The following GSE1 variants were observed in gnomAD, a reference collection of about 807,000 sequenced individuals.
The protein encoded by GSE1 is Gse1 coiled-coil protein, also known as genetic suppressor element 1.
Under a neutral mutation model 112.6 loss-of-function variants are expected in GSE1, and 32 were observed. The observed-to-expected ratio is 0.28, with a 90% CI of 0.21 to 0.38. GSE1 has a LOEUF of 0.38. GSE1 is among the 10% of genes least tolerant of loss of function. GSE1 has a pLI of 1.00. For synonymous variants in GSE1, 1,115 were observed against 735.6 expected (o/e 1.52, Z -8.35); for missense variants, 2,348 against 1,699.2 (o/e 1.38, Z -6.71).
chr16:85,503,979 A>G (rs2051453556), intron 2 of GSE1, among the ~76,000 whole-genome samples: 1 of 152,208 alleles, frequency 6.6e-6, no homozygotes, highest in East Asian at 1.9e-4. Context: ...AGGGAGGGTC[A>G]GGTGTGGCGG....
rs1209108352 is a variant in GSE1, at chr16:85,626,740, CG to C, written c.8-7171del. ...CTGAGGTCTGGTGCCGGGGAAGAGC[CG>C]GGATGAAAGGAAGCAGTAATTACGG... On this transcript the variant is annotated intron_variant, in intron 1 of 15. Transcript: ENST00000253458. Among the ~76,000 whole-genome samples, 10 of 152,240 alleles carry C rather than the reference CG, an allele frequency of 6.6e-5. No homozygotes were observed. The South Asian group carries it at 2.1e-3, about 32-fold the overall frequency.
intron 1 of GSE1, chr16:85,593,795 A>G (rs2047097207): frequency 6.6e-6 from 1 of 152,190 alleles, no homozygotes; most frequent in East Asian, 1.9e-4. Flanking sequence ...TAGATAAATA[A>G]TTGGTTTGGC....
chr16:85,437,677 C>T (rs1053783780), intron 2 of GSE1, among the ~76,000 whole-genome samples: 1 of 152,172 alleles, frequency 6.6e-6, no homozygotes, highest in African/African-American at 2.4e-5. Flanking sequence ...CCTGCCCCAC[C>T]TGGACCTGTT....
intron 1 of GSE1, among the ~76,000 whole-genome samples, chr16:85,263,576 T>G (rs1055917019): frequency 2.0e-5 from 3 of 148,766 alleles, no homozygotes; most frequent in Non-Finnish European, 4.5e-5. Context: ...ACTTTTTCTT[T>G]CCTTTTTTTT....
intron 1 of GSE1, among the ~76,000 whole-genome samples, chr16:85,190,104 C>A (rs984492319): frequency 6.6e-6 from 1 of 152,174 alleles, no homozygotes; most frequent in African/African-American, 2.4e-5. Context: ...GGTCTAAGGG[C>A]ACACTTCCCA....
chr16:85,263,639 T>C (rs1907938225), intron 1 of GSE1, among the ~76,000 whole-genome samples: 1 of 151,876 alleles, frequency 6.6e-6, no homozygotes, highest in South Asian at 2.1e-4. Flanking sequence ...ATGGAGTGAT[T>C]TTGGCTCACT....
chr16:85,420,041 C>T (rs979014094), intron 2 of GSE1, among the ~76,000 whole-genome samples: 16 of 152,306 alleles, frequency 1.1e-4, no homozygotes, highest in African/African-American at 3.6e-4. Flanking sequence ...GAACAAGTCC[C>T]TGCCCTAAAG....
intron 2 of GSE1, chr16:85,490,280 G>A (rs996839349): frequency 6.6e-6 from 1 of 152,292 alleles, no homozygotes; most frequent in Non-Finnish European, 1.5e-5. Context: ...AGGTGCTCAT[G>A]TGGGCAGGTG....
At chr16:85,647,299 C>T (rs1183521121) in intron 2 of GSE1, among the ~76,000 whole-genome samples, 2 of 152,210 alleles carry the variant, frequency 1.3e-5, no homozygotes, top group Non-Finnish European at 2.9e-5. Flanking sequence ...ACCCATTCTC[C>T]CATCCCTGCT....
intron 1 of GSE1, among the ~76,000 whole-genome samples, chr16:85,632,752 G>A (rs2049645695): frequency 6.6e-6 from 1 of 152,136 alleles, no homozygotes; most frequent in South Asian, 2.1e-4. Context: ...TGTGACACCA[G>A]CCCCACCATG....
chr16:85,268,046 G>T (rs1398166012), intron 1 of GSE1, among the ~76,000 whole-genome samples: 1 of 152,172 alleles, frequency 6.6e-6, no homozygotes, highest in Non-Finnish European at 1.5e-5. Flanking sequence ...CCCAGAGGCT[G>T]CCAGGCTTTG....
intron 1 of GSE1, among the ~76,000 whole-genome samples, chr16:85,298,395 T>G (rs1262470740): frequency 6.6e-6 from 1 of 152,178 alleles, no homozygotes; most frequent in Non-Finnish European, 1.5e-5. Flanking sequence ...ACTGTTTGCA[T>G]AGCCCTGACA....
At chr16:85,203,629 A>C (rs2075067438) in intron 1 of GSE1, among the ~76,000 whole-genome samples, 1 of 152,166 alleles carries the variant, frequency 6.6e-6, no homozygotes, top group Non-Finnish European at 1.5e-5. Flanking sequence ...AAGCAGTGGG[A>C]TTTCCTTTGT....
intron 1 of GSE1, among the ~76,000 whole-genome samples, chr16:85,231,032 A>C (rs939552697): frequency 6.6e-6 from 1 of 150,560 alleles, no homozygotes; most frequent in African/African-American, 2.5e-5. Flanking sequence ...GGATGGACAG[A>C]AGGATAGATG....
chr16:85,387,868 T>C (rs2047721374), intron 2 of GSE1, among the ~76,000 whole-genome samples: 1 of 152,064 alleles, frequency 6.6e-6, no homozygotes, highest in Non-Finnish European at 1.5e-5. Flanking sequence ...GATTGGATGA[T>C]TGGTTGGATG....
At chr16:85,618,923 C>G (rs1169347557) in intron 1 of GSE1, among the ~76,000 whole-genome samples, 2 of 152,226 alleles carry the variant, frequency 1.3e-5, no homozygotes, top group Non-Finnish European at 2.9e-5. Flanking sequence ...CTCAGCCTCC[C>G]AAAGCACTGG....
upstream of GSE1, among the ~76,000 whole-genome samples, chr16:85,609,538 G>A (rs959918348): frequency 1.3e-4 from 20 of 152,186 alleles, no homozygotes; most frequent in African/African-American, 4.3e-4. Flanking sequence ...GGTTCAAGGC[G>A]TCCCTTTCTT....
intron 2 of GSE1, among the ~76,000 whole-genome samples, chr16:85,383,219 TAAAC>T (rs2047599266): frequency 6.6e-6 from 1 of 150,716 alleles, no homozygotes; most frequent in Non-Finnish European, 1.5e-5. Context: ...CCTCTGTACA[TAAAC>T]ACACACATTC....
intron 1 of GSE1, 94 bp from the exon 2 acceptor site, chr16:85,633,820 C>A (rs1033925266): frequency 2.1e-6 from 2 of 932,374 alleles, no homozygotes; most frequent in Non-Finnish European, 3.4e-6. Flanking sequence ...CTGCTCCCTG[C>A]CTGCTGCTGC....
Sources: gnomAD v4.1 joint callset for allele counts (sites outside exome capture counted in the v4.1 genomes callset) on GRCh38, gnomAD v4.1.1 for gene constraint, MANE v1.5 for transcripts, NCBI Gene and HGNC (gene_info 2026-07-23, HGNC 2026-07-21) for gene names.